RBM20: variants seen among roughly 807,000 people sequenced by gnomAD.
RBM20 encodes RNA binding motif protein 20.
Under a neutral mutation model 110.1 loss-of-function variants are expected in RBM20, and 51 were observed. That is an observed-to-expected ratio of 0.46 (90% confidence interval 0.37 to 0.59). The LOEUF is 0.59. RBM20 is among the 20% of genes least tolerant of loss of function. The pLI is 0.00. For synonymous variants in RBM20, 589 were observed against 618.2 expected (o/e 0.95, Z 0.70); for missense variants, 1,512 against 1,574.9 (o/e 0.96, Z 0.68).
intron 1 of RBM20, among the ~76,000 whole-genome samples, chr10:110,659,907 A>C (rs1862078380): frequency 6.7e-6 from 1 of 148,796 alleles, no homozygotes; most frequent in Non-Finnish European, 1.5e-5. Flanking sequence ...CCCAGACTAG[A>C]GTGCATACTG....
chr10:110,665,195 A>G (rs1394718702), intron 1 of RBM20, among the ~76,000 whole-genome samples: 1 of 152,208 alleles, frequency 6.6e-6, no homozygotes, highest in Non-Finnish European at 1.5e-5. Context: ...TCATAGAAGA[A>G]TGCCGTCTAA....
intron 5 of RBM20, among the ~76,000 whole-genome samples, chr10:110,796,189 G>T (rs1161354152): frequency 6.6e-6 from 1 of 152,176 alleles, no homozygotes; most frequent in Non-Finnish European, 1.5e-5. Flanking sequence ...TCATCTTACT[G>T]CCTTCCCATT....
chr10:110,709,853 G>A (rs1167759994), intron 1 of RBM20, among the ~76,000 whole-genome samples: 2 of 152,246 alleles, frequency 1.3e-5, no homozygotes, highest in African/African-American at 2.4e-5. Flanking sequence ...ACAGGCATGA[G>A]CAGTGGTGCC....
intron 1 of RBM20, among the ~76,000 whole-genome samples, chr10:110,656,549 A>G (rs1862029198): frequency 6.6e-6 from 1 of 152,162 alleles, no homozygotes; most frequent in Non-Finnish European, 1.5e-5. Flanking sequence ...AGTGTTATGC[A>G]ACCATCACCA....
chr10:110,828,867 G>C (rs1345168504), intron 12 of RBM20, among the ~76,000 whole-genome samples: 1 of 152,104 alleles, frequency 6.6e-6, no homozygotes, highest in Non-Finnish European at 1.5e-5. Context: ...GACAGTAGAA[G>C]TCTTTGTTCA....
At position 110,812,557 on chromosome 10, in the gene RBM20, G is replaced by C. The variant is rs1220734148; in HGVS notation, c.2160G>C (p.Lys720Asn). Residue 720 changes from lysine to asparagine, a missense_variant, in exon 9 of 14, where the codon AAG becomes AAC. This residue lies in a region of RBM20 where 1,149 missense variants were observed against 1,169.4 expected (regional missense o/e 0.98). Transcript: ENST00000369519. ...AACACCACCCCCGGCAACTGGACAA[G>C]GCTGAGTTGGACGAGCGACCAGAAG... Reference protein sequence around the residue: ...DRKHHPRQLDKAELDERPEGG... With the variant: ...DRKHHPRQLDNAELDERPEGG... 3.9e-6 allele frequency: 6 copies of C among 1,551,756 alleles called. No individual in the cohort carries two copies. The highest frequency in any genetic ancestry group is 5.2e-6 in the Non-Finnish European group (6 of 1,147,004).
chr10:110,645,868 AAC>A (rs1183889348), intron 1 of RBM20, among the ~76,000 whole-genome samples: 1 of 151,082 alleles, frequency 6.6e-6, no homozygotes, highest in African/African-American at 2.4e-5. Flanking sequence ...TTCAACTACA[AAC>A]AGTTTCCAAC....
chr10:110,771,660 C>T (rs1844193864), intron 1 of RBM20, among the ~76,000 whole-genome samples: 1 of 152,158 alleles, frequency 6.6e-6, no homozygotes, highest in African/African-American at 2.4e-5. Context: ...CATCAGTGCA[C>T]ACTGGATGGG....
At chr10:110,719,811 T>A (rs1002084879) in intron 1 of RBM20, among the ~76,000 whole-genome samples, 17 of 152,218 alleles carry the variant, frequency 1.1e-4, no homozygotes, top group Non-Finnish European at 5.9e-5. Flanking sequence ...CTCTTAAGGA[T>A]TCAATGAGAT....
intron 1 of RBM20, among the ~76,000 whole-genome samples, chr10:110,755,142 G>T (rs992900946): frequency 1.3e-5 from 2 of 152,098 alleles, no homozygotes; most frequent in African/African-American, 4.8e-5. Context: ...TTCTCTCTGG[G>T]CCTATGGGTT....
rs183569437 is a variant in RBM20, at chr10:110,805,236, G to A, written c.1801-5147G>A. Among the ~76,000 whole-genome samples, 229 of 152,308 alleles carry A rather than the reference G, an allele frequency of 1.5e-3. 3 individuals are homozygous for A. The highest frequency in any genetic ancestry group is 5.3e-3 in the African/African-American group (220 of 41,564). On this transcript the variant is annotated intron_variant, in intron 7 of 13. Transcript: ENST00000369519. ...TTCCATGGCAAAAGGCAGTGTGACT[G>A]AGGGGTGTGAAAAAGGGAAGAGATT...
At chr10:110,813,251 G>A (rs75114468) in intron 9 of RBM20, among the ~76,000 whole-genome samples, 1 of 152,178 alleles carries the variant, frequency 6.6e-6, no homozygotes. Flanking sequence ...ATACCAAGGA[G>A]ATCTGGCCCC....
intron 9 of RBM20, among the ~76,000 whole-genome samples, chr10:110,819,778 TGCCAGGTATTTCTGCCCCCTAAA>T (rs1844884861): frequency 6.6e-6 from 1 of 152,190 alleles, no homozygotes; most frequent in East Asian, 1.9e-4. Flanking sequence ...ATACCCAGTT[TGCCAGGTATTTCTGCCCCCTAAA>T]GACATCGGGC....
At chr10:110,825,055 T>TA (rs1554843865) in intron 12 of RBM20, among the ~76,000 whole-genome samples, 7 of 151,826 alleles carry the variant, frequency 4.6e-5, no homozygotes, top group African/African-American at 1.7e-4. Context: ...CTTTTTTTTT[T>TA]AAGGGATAAA....
Position 110,789,528 on chromosome 10 carries a change from G to A in RBM20, c.1527+4639G>A, listed in dbSNP as rs370751528. ...GCTGGAGTGCAGTGGCATGATCATG[G>A]CTTACTGTAATCTCCACCTCCTGGG... On this transcript the variant is annotated intron_variant, in intron 5 of 13. Coordinates refer to ENST00000369519, the MANE Select transcript of RBM20 (RefSeq NM_001134363.3). Among the ~76,000 whole-genome samples the A allele has an allele frequency of 1.4e-4, 21 of 151,840 alleles. 1 individual carries two copies. Among genetic ancestry groups the A allele is most frequent in the East Asian group, 5.8e-4 (3 of 5,170 alleles).
intron 1 of RBM20, among the ~76,000 whole-genome samples, chr10:110,656,174 C>T (rs542222223): frequency 2.6e-4 from 40 of 152,042 alleles, no homozygotes; most frequent in African/African-American, 9.2e-4. Context: ...TGGTGGTGGG[C>T]GCCTGAAATC....
At chr10:110,754,801 T>A (rs1843901428) in intron 1 of RBM20, among the ~76,000 whole-genome samples, 1 of 152,236 alleles carries the variant, frequency 6.6e-6, no homozygotes, top group African/African-American at 2.4e-5. Context: ...GCATCTGAAG[T>A]GTGTCCAGGT....
At position 110,783,366 on chromosome 10, in the gene RBM20, G is replaced by T; in HGVS notation, c.1276G>T (p.Asp426Tyr). Reference sequence around the variant, plus strand: ...TCACTTTTCTTTCCTTCTGACCTAGGACTGGGAGCTGCATGTGAAAGGGAA... The same window carrying T: ...TCACTTTTCTTTCCTTCTGACCTAGTACTGGGAGCTGCATGTGAAAGGGAA... ...ICDKKVFDLK[D>Y]WELHVKGKLH... is the part of the protein sequence containing the mutation. Residue 426 changes from aspartate to tyrosine, a missense_variant and splice_region_variant, in exon 3 of 14, where the codon GAC (aspartate) becomes TAC (tyrosine). This residue lies in a region of RBM20 where 1,149 missense variants were observed against 1,169.4 expected (regional missense o/e 0.98). Coordinates refer to ENST00000369519, the MANE Select transcript of RBM20 (RefSeq NM_001134363.3). The T allele has an allele frequency of 6.4e-7, 1 of 1,550,828 alleles. No homozygotes were observed. The highest frequency in any genetic ancestry group is 1.2e-5 in the South Asian group (1 of 83,954).
At position 110,792,673 on chromosome 10, in the gene RBM20, C is replaced by T. The variant is rs146489778; in HGVS notation, c.1528-4835C>T. ...TGACATGAGTCTGTTCTCAGAGAGGCCCCAGGCCCAGGTGTCTGTAGTTCA... is the reference window on the plus strand; with the variant it reads ...TGACATGAGTCTGTTCTCAGAGAGGTCCCAGGCCCAGGTGTCTGTAGTTCA... On this transcript the variant is annotated intron_variant, in intron 5 of 13. Coordinates refer to ENST00000369519, the MANE Select transcript of RBM20 (RefSeq NM_001134363.3). 7.9e-3 allele frequency among the ~76,000 whole-genome samples: 1,208 copies of T among 152,284 alleles called. 15 individuals carry two copies. Among genetic ancestry groups the T allele is most frequent in the African/African-American group, 0.028 (1,153 of 41,552 alleles).
Sources: allele counts gnomAD v4.1 joint callset (sites outside exome capture counted in the v4.1 genomes callset), GRCh38; gene constraint gnomAD v4.1.1; regional missense constraint gnomAD v4.1.1; transcripts MANE v1.5; gene names NCBI Gene and HGNC (gene_info 2026-07-23, HGNC 2026-07-21).